PSMA4: variants seen among roughly 807,000 people sequenced by gnomAD.
The protein encoded by PSMA4 is proteasome 20S subunit alpha 4.
Under a neutral mutation model 37.2 loss-of-function variants are expected in PSMA4, and 8 were observed. That is an observed-to-expected ratio of 0.22 (90% confidence interval 0.13 to 0.39). The LOEUF (loss-of-function observed/expected upper bound fraction) is 0.39. PSMA4 is among the 10% of genes least tolerant of loss of function. The probability of loss-of-function intolerance (pLI) is 1.00; values close to 1 mark genes in which losing one functional copy is unlikely to be tolerated. For missense variants in PSMA4, 169 were observed against 305.1 expected, an observed-to-expected ratio of 0.55 and a Z score of 3.32; for synonymous variants, 93 against 98.8, an observed-to-expected ratio of 0.94 and a Z score of 0.35.
intron 5 of PSMA4, chr15:78,544,567 G>A (rs2052518344): frequency 2.3e-6 from 1 of 437,970 alleles, no homozygotes; most frequent in Non-Finnish European, 4.1e-6. Context: ...CCAAAGTGCT[G>A]GGATTACAGG....
chr15:78,542,364 A>G, intron 3 of PSMA4, 119 bp from the exon 4 acceptor site: 1 of 1,396,972 alleles, frequency 7.2e-7, no homozygotes, highest in Non-Finnish European at 9.8e-7. Flanking sequence ...GGTTGATTAT[A>G]CCATAGAAGA....
chr15:78,545,047 A>T, intron 6 of PSMA4, 90 bp downstream of exon 6: 1 of 775,828 alleles, frequency 1.3e-6, no homozygotes, highest in Non-Finnish European at 2.0e-6. Flanking sequence ...TTGAAAATAG[A>T]CCCTTTGTTT....
At chr15:78,541,818 G>A (rs2052458150) in intron 1 of PSMA4, 87 bp from the exon 2 acceptor site, 3 of 1,093,350 alleles carry the variant, frequency 2.7e-6, no homozygotes, top group Non-Finnish European at 4.1e-6. Flanking sequence ...TGAATAAAGG[G>A]AGTAAATAAA....
chr15:78,547,836 CAAAA>C (rs549125654), intron 8 of PSMA4, among the ~76,000 whole-genome samples: 2 of 136,908 alleles, frequency 1.5e-5, no homozygotes, highest in African/African-American at 5.4e-5. Context: ...GACTCTGTCT[CAAAA>C]AAAAAAAGAA....
chr15:78,541,955 A>G, intron 2 of PSMA4, 25 bp downstream of exon 2: 2 of 1,592,244 alleles, frequency 1.3e-6, no homozygotes, highest in Non-Finnish European at 1.7e-6. Flanking sequence ...ATGCCAATAA[A>G]CGGTTGCCTG....
intron 4 of PSMA4, 78 bp downstream of exon 4, chr15:78,542,723 C>T (rs2052476960): frequency 7.5e-7 from 1 of 1,328,456 alleles, no homozygotes; most frequent in African/African-American, 1.5e-5. Flanking sequence ...TTTGGGAGGG[C>T]TCTTCCGTGC....
rs2052643930 is a variant in PSMA4, at chr15:78,551,557, A to G, written c.*2613A>G. ...TCTATTCCCTATACATACCCTGTTG[A>G]GTTTTTCTCCATAGCACTCATCACC... is the stretch of plus-strand genomic sequence containing the variant. On this transcript the variant is annotated 3_prime_UTR_variant, in exon 9 of 9. Transcript: ENST00000044462. 6.6e-6 allele frequency: 1 copy of G among 151,546 alleles called. No individual in the cohort carries two copies. Among genetic ancestry groups the G allele is most frequent in the Non-Finnish European group, 1.5e-5 (1 of 67,972 alleles). 9.4% of individuals were successfully genotyped at this position (151,546 alleles called of 1,614,324 possible). A position where few individuals can be genotyped will look rare whatever the true frequency, so the allele number is the denominator to read the frequency against.
intron 1 of PSMA4, 156 bp from the exon 2 acceptor site, chr15:78,541,749 A>G: frequency 1.5e-6 from 1 of 650,404 alleles, no homozygotes; most frequent in Non-Finnish European, 2.7e-6. Context: ...TTTTCAGGAC[A>G]GGAACTGGTT....
At chr15:78,541,976 T>C in intron 2 of PSMA4, 46 bp downstream of exon 2, 3 of 1,578,750 alleles carry the variant, frequency 1.9e-6, no homozygotes, top group Non-Finnish European at 2.6e-6. Context: ...ATAAACAGTA[T>C]TGCTTGTACT....
rs373384097 is a variant in PSMA4, at chr15:78,545,660, C to G, written c.403C>G (p.Leu135Val). 3 of 1,613,780 alleles carry G rather than the reference C, an allele frequency of 1.9e-6. No homozygotes were observed. Among genetic ancestry groups the G allele is most frequent in the Non-Finnish European group, 2.5e-6 (3 of 1,179,848 alleles). ...GGKRPFGVSL[L>V]YIGWDKHYGF... ...AAAACGTCCCTTTGGTGTTTCATTG[C>G]TGTACATTGGCTGGGATAAGCACTA... is the stretch of plus-strand genomic sequence containing the variant. Residue 135 changes from leucine (L) to valine (V), a missense_variant, in exon 7 of 9, where the codon CTG becomes GTG. By Grantham distance (32) the Leu-to-Val change is conservative (BLOSUM62 1). This residue lies in a region of PSMA4 where 79 missense variants were observed against 212.4 expected (regional missense o/e 0.37). Transcript: ENST00000044462.
chr15:78,541,819 A>T, intron 1 of PSMA4, 86 bp from the exon 2 acceptor site: 1 of 1,102,022 alleles, frequency 9.1e-7, no homozygotes. Flanking sequence ...GAATAAAGGG[A>T]GTAAATAAAA....
intron 7 of PSMA4, 62 bp from the exon 8 acceptor site, chr15:78,546,513 A>G: frequency 6.9e-7 from 1 of 1,448,084 alleles, no homozygotes; most frequent in Non-Finnish European, 9.3e-7. Flanking sequence ...TTTCTTCTAG[A>G]CCAATTCATG....
Position 78,549,161 on chromosome 15 carries a change from C to CT in PSMA4, c.*224dup. The CT allele has an allele frequency of 1.7e-6, 1 of 599,798 alleles. No individual in the cohort carries two copies. 37.2% of individuals were successfully genotyped at this position (599,798 alleles called of 1,614,324 possible). The stretch of plus-strand genomic sequence containing the variant: ...CGTCTTAATCTTCCACACACATCCC[C>CT]TTTTTTTGGAATAAAATTTGGAAAA... On this transcript the variant is annotated 3_prime_UTR_variant, in exon 9 of 9. Coordinates refer to ENST00000044462, the MANE Select transcript of PSMA4 (RefSeq NM_002789.6).
In PSMA4 at chr15:78,551,050, C is replaced by G. The variant is rs75518038; in HGVS notation, c.*2106C>G. 20 of 152,258 alleles carry G rather than the reference C, an allele frequency of 1.3e-4. No individual in the cohort carries two copies. The highest frequency in any genetic ancestry group is 4.6e-4 in the African/African-American group (19 of 41,536). 9.4% of individuals were successfully genotyped at this position (152,258 alleles called of 1,614,324 possible). A position where few individuals can be genotyped will look rare whatever the true frequency, so the allele number is the denominator to read the frequency against. ...AATTTACCCATAATCCAGCCACTTT[C>G]CACTGCAGGAACGCTGGTCCAATTC... On this transcript the variant is annotated 3_prime_UTR_variant, in exon 9 of 9. Transcript: ENST00000044462.
At chr15:78,548,750 C>T (rs1596047025) in intron 8 of PSMA4, 40 bp from the exon 9 acceptor site, 2 of 1,581,494 alleles carry the variant, frequency 1.3e-6, no homozygotes, top group Non-Finnish European at 1.7e-6. Flanking sequence ...AGTATGCCTG[C>T]CTGCCTGCAA....
chr15:78,544,147 A>G (rs2052506139), intron 4 of PSMA4, 43 bp from the exon 5 acceptor site: 1 of 1,455,084 alleles, frequency 6.9e-7, no homozygotes, highest in Non-Finnish European at 9.6e-7. Context: ...ACTCCTTGCA[A>G]GCATCTTCCC....
intron 4 of PSMA4, 50 bp from the exon 5 acceptor site, chr15:78,544,140 C>A: frequency 7.3e-7 from 1 of 1,374,662 alleles, no homozygotes; most frequent in Non-Finnish European, 1.0e-6. Context: ...TATAAACACT[C>A]CTTGCAAGCA....
In PSMA4 at chr15:78,545,635, A is replaced by G; in HGVS notation, c.378A>G (p.Gly126=). The change falls in exon 7 of 9, where the codon GGA becomes GGG. Residue 126 remains glycine (G), a splice_region_variant and synonymous_variant. Transcript: ENST00000044462. ...TTTGGCTTTTTTTCTTTGTTAAAGG[A>G]AAACGTCCCTTTGGTGTTTCATTGC... is the stretch of plus-strand genomic sequence containing the variant. ...DIKQAYTQFG[G]KRPFGVSLLY... is the part of the protein sequence containing the mutation. 1.2e-6 allele frequency: 2 copies of G among 1,613,950 alleles called. No individual in the cohort carries two copies. Among genetic ancestry groups the G allele is most frequent in the Non-Finnish European group, 1.7e-6 (2 of 1,179,848 alleles).
rs750216737 is a variant in PSMA4, at chr15:78,542,486, G to A, written c.50G>A (p.Arg17His). 1 of 1,611,786 alleles carries A rather than the reference G, an allele frequency of 6.2e-7. No individual in the cohort carries two copies. Among genetic ancestry groups the A allele is most frequent in the Non-Finnish European group, 8.5e-7 (1 of 1,179,400 alleles). ...TCTCACTGCTTTTGTTTTGTAGGTCGCTTATACCAAGTTGAATATGCCATG... is the reference window on the plus strand; with the variant it reads ...TCTCACTGCTTTTGTTTTGTAGGTCACTTATACCAAGTTGAATATGCCATG... ...SRTTIFSPEG[R>H]LYQVEYAMEA... The change falls in exon 4 of 9, where the codon CGC becomes CAC. Residue 17 changes from arginine (R) to histidine (H), a missense_variant. Physicochemically the swap from Arg to His is conservative, Grantham distance 29. Transcript: ENST00000044462.
Sources: gnomAD v4.1 joint callset for allele counts (sites outside exome capture counted in the v4.1 genomes callset) on GRCh38, gnomAD v4.1.1 for gene constraint, gnomAD v4.1.1 regional missense constraint, MANE v1.5 for transcripts, NCBI Gene and HGNC (gene_info 2026-07-23, HGNC 2026-07-21) for gene names.